The following RNF214 variants were observed in gnomAD, a reference collection of about 807,000 sequenced individuals.
RNF214 encodes the protein ring finger protein 214.
RNF214 carries 25 observed loss-of-function variants against 75.9 expected under a neutral mutation model. The observed-to-expected ratio is 0.33, with a 90% CI of 0.24 to 0.46. RNF214 has a LOEUF of 0.46. RNF214 is among the 20% of genes least tolerant of loss of function. The probability of loss-of-function intolerance (pLI) is 1.00; values close to 1 mark genes in which losing one functional copy is unlikely to be tolerated. For missense variants in RNF214, 725 were observed against 857.5 expected, an observed-to-expected ratio of 0.85 and a Z score of 1.93; for synonymous variants, 314 against 308.8, an observed-to-expected ratio of 1.02 and a Z score of -0.18.
Position 117,253,701 on chromosome 11 carries a change from C to T in RNF214, c.959+6753C>T, listed in dbSNP as rs183824411. On this transcript the variant is annotated intron_variant, in intron 6 of 14. Coordinates refer to ENST00000300650, the MANE Select transcript of RNF214 (RefSeq NM_207343.4). ...TATAAAAAATAAATAAATAAATAAA[C>T]GACAACAACAACAAGACAACGGTGA... Among the ~76,000 whole-genome samples the T allele has an allele frequency of 1.8e-4, 28 of 151,950 alleles. No individual in the cohort carries two copies. In the East Asian group the frequency reaches 5.5e-3, roughly 30 times the overall value.
At chr11:117,235,502 T>TA (rs2134350556) in intron 2 of RNF214, among the ~76,000 whole-genome samples, 1 of 146,630 alleles carries the variant, frequency 6.8e-6, no homozygotes, top group Admixed American at 6.8e-5. Context: ...AGCCTTTTTT[T>TA]TTTTTTTTTT....
At chr11:117,251,939 G>A (rs2033405899) in intron 6 of RNF214, among the ~76,000 whole-genome samples, 1 of 152,164 alleles carries the variant, frequency 6.6e-6, no homozygotes, top group Non-Finnish European at 1.5e-5. Flanking sequence ...CACGATCTTG[G>A]CTCACTGCAA....
intron 6 of RNF214, among the ~76,000 whole-genome samples, chr11:117,254,112 G>T (rs996682650): frequency 6.6e-6 from 1 of 152,108 alleles, no homozygotes; most frequent in Non-Finnish European, 1.5e-5. Flanking sequence ...AGCCAGGTGT[G>T]GTAGTGGCCG....
chr11:117,259,828 T>C (rs2033614564), intron 6 of RNF214, among the ~76,000 whole-genome samples: 1 of 152,184 alleles, frequency 6.6e-6, no homozygotes, highest in African/African-American at 2.4e-5. Flanking sequence ...TATAAGTCCT[T>C]TGTCAGATAT....
chr11:117,282,335 G>C, intron 11 of RNF214, 65 bp downstream of exon 11: 1 of 1,592,250 alleles, frequency 6.3e-7, no homozygotes, highest in Non-Finnish European at 8.6e-7. Flanking sequence ...TTAAAACAGA[G>C]GAGGTTACAT....
rs540129348 is a variant in RNF214, at chr11:117,237,507, G to A, written c.108-1094G>A. The stretch of plus-strand genomic sequence containing the variant: ...CAGTTATAGAATTAGTTTAAAAAAA[G>A]AGGGTGGGGTCAAAGAAATTAAACA... On this transcript the variant is annotated intron_variant, in intron 2 of 14. Coordinates refer to ENST00000300650, the MANE Select transcript of RNF214 (RefSeq NM_207343.4). Among the ~76,000 whole-genome samples the A allele has an allele frequency of 1.3e-4, 20 of 152,322 alleles. No individual in the cohort carries two copies. In the South Asian group the frequency reaches 3.9e-3, roughly 30 times the overall value.
Position 117,244,085 on chromosome 11 carries a change from G to A in RNF214, c.679-360G>A, listed in dbSNP as rs149970490. ...TAACCTCTGCCTCCCAGGCTCAAGCGATCATCCCACCTCAGCCTCCCAAGT... is the reference window on the plus strand; with the variant it reads ...TAACCTCTGCCTCCCAGGCTCAAGCAATCATCCCACCTCAGCCTCCCAAGT... On this transcript the variant is annotated intron_variant, in intron 4 of 14. Transcript: ENST00000300650. Among the ~76,000 whole-genome samples, 995 of 152,282 alleles carry A rather than the reference G, an allele frequency of 6.5e-3. 15 individuals are homozygous for A. The highest frequency in any genetic ancestry group is 0.022 in the African/African-American group (934 of 41,558).
chr11:117,245,574 C>A (rs760781774), intron 5 of RNF214, among the ~76,000 whole-genome samples: 1 of 151,978 alleles, frequency 6.6e-6, no homozygotes, highest in African/African-American at 2.4e-5. Flanking sequence ...GATCTCCTGA[C>A]CTCATGATCC....
chr11:117,234,216 T>G (rs560973159), intron 1 of RNF214, 51 bp from the exon 2 acceptor site: 23 of 1,336,542 alleles, frequency 1.7e-5, no homozygotes, highest in Admixed American at 1.5e-4. Flanking sequence ...GAGATACATT[T>G]GTTTTAAACT....
At chr11:117,277,770 G>A (rs965624893) in intron 6 of RNF214, among the ~76,000 whole-genome samples, 59 of 151,912 alleles carry the variant, frequency 3.9e-4, no homozygotes, top group African/African-American at 1.3e-3. Context: ...TTAGGAGTTC[G>A]AGACCAGCCT....
At chr11:117,260,473 G>A (rs2033629584) in intron 6 of RNF214, among the ~76,000 whole-genome samples, 1 of 152,042 alleles carries the variant, frequency 6.6e-6, no homozygotes, top group South Asian at 2.1e-4. Context: ...GTGTAATTCT[G>A]AATACTATTC....
intron 9 of RNF214, 74 bp downstream of exon 9, chr11:117,281,478 C>G (rs528381764): frequency 1.4e-6 from 2 of 1,402,750 alleles, no homozygotes; most frequent in South Asian, 1.2e-5. Context: ...GGGAGGTAGC[C>G]TTTTGCATTG....
rs537942547 is a variant in RNF214 at position 117,244,420 on chromosome 11, G to A, written c.679-25G>A. ...TTCTTGTGATTAAATTAGGAAATAA[G>A]CTTTTCTTGTCTTGTTCATAATAGG... On this transcript the variant is annotated intron_variant, in intron 4 of 14. Coordinates refer to ENST00000300650, the MANE Select transcript of RNF214 (RefSeq NM_207343.4). The A allele has an allele frequency of 3.4e-5, 54 of 1,598,556 alleles. No individual in the cohort carries two copies. In the South Asian group the frequency reaches 5.6e-4, roughly 17 times the overall value.
At position 117,238,810 on chromosome 11, in the gene RNF214, A is replaced by G; in HGVS notation, c.317A>G (p.Gln106Arg). The change falls in exon 3 of 15, where the codon CAG becomes CGG. Residue 106 changes from glutamine to arginine, a missense_variant. Gln to Arg is a conservative substitution (Grantham distance 43). Coordinates refer to ENST00000300650, the MANE Select transcript of RNF214 (RefSeq NM_207343.4). ...CTTTGTCTTTCTGGCAGTGGGTCTC[A>G]GTCTGATTTGAAGGATGTGGCCAGC... Reference protein sequence around the residue: ...TALCLSGSGSQSDLKDVASTA... With the variant: ...TALCLSGSGSRSDLKDVASTA... 6.2e-7 allele frequency: 1 copy of G among 1,614,214 alleles called. No homozygotes were observed. Among genetic ancestry groups the G allele is most frequent in the Non-Finnish European group, 8.5e-7 (1 of 1,180,038 alleles).
intron 1 of RNF214, among the ~76,000 whole-genome samples, chr11:117,233,690 T>A (rs112098361): frequency 2.4e-4 from 37 of 152,344 alleles, no homozygotes; most frequent in Non-Finnish European, 4.0e-4. Context: ...GAAGAGTCTG[T>A]TCTTTGCTCA....
chr11:117,276,668 G>A (rs1362899630), intron 6 of RNF214, among the ~76,000 whole-genome samples: 1 of 152,166 alleles, frequency 6.6e-6, no homozygotes. Flanking sequence ...CCTTTTGTTA[G>A]ATCCCAGTGA....
At chr11:117,241,578 C>CA (rs201566240) in intron 4 of RNF214, among the ~76,000 whole-genome samples, 18,346 of 102,736 alleles carry the variant, frequency 0.18, 1,159 homozygotes, top group African/African-American at 0.2. Context: ...GAATCTGTCT[C>CA]AAAAAAAAAA....
At chr11:117,253,203 G>A (rs899885354) in intron 6 of RNF214, among the ~76,000 whole-genome samples, 1 of 152,064 alleles carries the variant, frequency 6.6e-6, no homozygotes, top group Non-Finnish European at 1.5e-5. Context: ...GTAGAGACTG[G>A]ATCTCAGTTT....
chr11:117,256,788 A>G (rs779446708), intron 6 of RNF214, among the ~76,000 whole-genome samples: 5 of 152,134 alleles, frequency 3.3e-5, no homozygotes, highest in South Asian at 2.1e-4. Context: ...ACTACACAGA[A>G]TGTGATCACT....
Sources: allele counts gnomAD v4.1 joint callset (sites outside exome capture counted in the v4.1 genomes callset), GRCh38; gene constraint gnomAD v4.1.1; transcripts MANE v1.5; gene names NCBI Gene and HGNC (gene_info 2026-07-23, HGNC 2026-07-21).